Variants in UBN2 observed in about 807,000 individuals in gnomAD.
The protein encoded by UBN2 is ubinuclein-2.
UBN2 carries 35 observed loss-of-function variants against 120.2 expected under a neutral mutation model. The ratio of observed to expected loss-of-function variants is 0.29; its 90% CI spans 0.22 to 0.39. UBN2 has a LOEUF of 0.39. Ranked by LOEUF, UBN2 falls within the 10% of genes least tolerant of loss-of-function variation. UBN2 has a pLI of 1.00. For synonymous variants in UBN2, 661 were observed against 648.7 expected (o/e 1.02, Z -0.29); for missense variants, 1,693 against 1,663.2 (o/e 1.02, Z -0.31).
chr7:139,284,917 C>G (rs1304952119), intron 15 of UBN2, among the ~76,000 whole-genome samples: 2 of 152,174 alleles, frequency 1.3e-5, no homozygotes, highest in African/African-American at 4.8e-5. Context: ...AACTTTCTCT[C>G]TTATCAAAGT....
chr7:139,304,735 G>GTGTGTC lies in UBN2; in HGVS notation c.*6903_*6908dup. On this transcript the variant is annotated 3_prime_UTR_variant, in exon 18 of 18. Coordinates refer to ENST00000473989, the MANE Select transcript of UBN2 (RefSeq NM_173569.4). ...TGTGTGTGTGTGTGTGTGTGTGTGT[G>GTGTGTC]TGTGTCTGTAAGTCACTTTTTGGAT... 6.6e-6 allele frequency: 1 copy of GTGTGTC among 152,348 alleles called. No individual in the cohort carries two copies. Among genetic ancestry groups the GTGTGTC allele is most frequent in the East Asian group, 1.9e-4 (1 of 5,186 alleles). The allele number at this position is 152,348 out of a possible 1,614,324, so 9.4% of individuals were successfully genotyped here.
At chr7:139,260,886 T>C (rs1435445336) in intron 5 of UBN2, among the ~76,000 whole-genome samples, 1 of 152,218 alleles carries the variant, frequency 6.6e-6, no homozygotes, top group Non-Finnish European at 1.5e-5. Flanking sequence ...AGGGTTTGGG[T>C]TGTATAACAG....
chr7:139,268,210 T>C (rs977297767), intron 7 of UBN2, among the ~76,000 whole-genome samples: 1 of 152,212 alleles, frequency 6.6e-6, no homozygotes, highest in Non-Finnish European at 1.5e-5. Flanking sequence ...AAAACGAATC[T>C]TCCCATTTTT....
At chr7:139,252,431 A>G (rs12707442) in intron 3 of UBN2, among the ~76,000 whole-genome samples, 51 of 152,358 alleles carry the variant, frequency 3.3e-4, no homozygotes, top group Admixed American at 8.5e-4. Context: ...AAGAATTAGC[A>G]TGGCTGCGTT....
the UBN2 span, among the ~76,000 whole-genome samples, chr7:139,329,785 T>A: frequency 6.6e-6 from 1 of 152,062 alleles, no homozygotes; most frequent in Non-Finnish European, 1.5e-5. Flanking sequence ...TCTAGGCTAG[T>A]TGGCTGCCCC....
At chr7:139,312,386 A>G (rs1255811456), downstream of UBN2, among the ~76,000 whole-genome samples, 1 of 152,216 alleles carries the variant, frequency 6.6e-6, no homozygotes, top group Non-Finnish European at 1.5e-5. Flanking sequence ...TTACTGCTAC[A>G]CGGATTCCCT....
intron 12 of UBN2, chr7:139,276,767 A>G (rs139434497): frequency 2.0e-5 from 3 of 152,572 alleles, no homozygotes; most frequent in Admixed American, 1.3e-4. Flanking sequence ...CAAGGGTGGC[A>G]TTAACGGTTA....
intron 17 of UBN2, among the ~76,000 whole-genome samples, chr7:139,296,463 C>A (rs1798112941): frequency 6.6e-6 from 1 of 152,196 alleles, no homozygotes; most frequent in African/African-American, 2.4e-5. Flanking sequence ...GCTATTCATG[C>A]CTCTTCCCTC....
At position 139,269,445 on chromosome 7, in the gene UBN2, C is replaced by T. The variant is rs753900916; in HGVS notation, c.1518C>T (p.Tyr506=). 4.3e-6 allele frequency: 7 copies of T among 1,613,990 alleles called. No homozygotes were observed. In the South Asian group the frequency reaches 5.5e-5, roughly 13 times the overall value. ...GCCCTGTCATTCGCAGTGGTGTCTA[C>T]TCCCACCTTGAAGCTTTTGTGCCAT... The part of the protein sequence containing the change: ...ELGPVIRSGV[Y]SHLEAFVPCN... Residue 506 remains tyrosine (Y), a synonymous_variant, in exon 8 of 18, where the codon TAC becomes TAT. Coordinates refer to ENST00000473989, the MANE Select transcript of UBN2 (RefSeq NM_173569.4).
the UBN2 span, among the ~76,000 whole-genome samples, chr7:139,313,550 CTTTCAA>C: frequency 6.6e-6 from 1 of 152,134 alleles, no homozygotes; most frequent in African/African-American, 2.4e-5. Flanking sequence ...TTTATCTCCT[CTTTCAA>C]TTTCACATTT....
At chr7:139,258,365 T>A in intron 3 of UBN2, 123 bp from the exon 4 acceptor site, 1 of 616,798 alleles carries the variant, frequency 1.6e-6, no homozygotes, top group Non-Finnish European at 2.5e-6. Flanking sequence ...CAAACATCCT[T>A]ATTGCAGTCT....
intron 2 of UBN2, among the ~76,000 whole-genome samples, chr7:139,245,084 T>G (rs1796430590): frequency 7.0e-6 from 1 of 143,294 alleles, no homozygotes; most frequent in Non-Finnish European, 1.5e-5. Context: ...CAGGCACGCA[T>G]CACCATGCCC....
chr7:139,258,578 A>G lies in UBN2; in HGVS notation c.754A>G (p.Thr252Ala), dbSNP rs1796834212. 6 of 1,607,592 alleles carry G rather than the reference A, an allele frequency of 3.7e-6. No individual in the cohort carries two copies. In the African/African-American group the frequency reaches 4.0e-5, roughly 11 times the overall value. The stretch of plus-strand genomic sequence containing the variant: ...TCTACAGTTTCGCCAAGCTTCAGAT[A>G]CTGAAGAAGATGATATTACAGACAA... ...GTLQFRQASD[T>A]EEDDITDNQK... The change falls in exon 4 of 18, where the codon ACT becomes GCT. Residue 252 changes from threonine (T) to alanine (A), a missense_variant. Thr to Ala is a moderately conservative substitution (Grantham distance 58). This residue lies in a region of UBN2 where 663 missense variants were observed against 591.2 expected (regional missense o/e 1.12). Coordinates refer to ENST00000473989, the MANE Select transcript of UBN2 (RefSeq NM_173569.4).
At chr7:139,279,654 A>G (rs183431165) in intron 13 of UBN2, among the ~76,000 whole-genome samples, 1 of 152,336 alleles carries the variant, frequency 6.6e-6, no homozygotes, top group East Asian at 1.9e-4. Flanking sequence ...AATATGTAAG[A>G]AAAATTCATA....
rs976969512 is a variant in UBN2, at chr7:139,298,075, G to A, written c.*239G>A. 1 of 465,372 alleles carries A rather than the reference G, an allele frequency of 2.1e-6. No homozygotes were observed. Among genetic ancestry groups the A allele is most frequent in the African/African-American group, 2.0e-5 (1 of 51,182 alleles). The allele number at this position is 465,372 out of a possible 1,614,324, so 28.8% of individuals were successfully genotyped here. A position where few individuals can be genotyped will look rare whatever the true frequency, so the allele number is the denominator to read the frequency against. The stretch of plus-strand genomic sequence containing the variant: ...TTGGTCTCTTCTAAAGAATGACAGA[G>A]TTACCGTATTAACAGACTTGAAAGA... On this transcript the variant is annotated 3_prime_UTR_variant, in exon 18 of 18. Transcript: ENST00000473989.
intron 6 of UBN2, among the ~76,000 whole-genome samples, chr7:139,262,548 TA>T (rs1293347512): frequency 1.3e-5 from 2 of 151,834 alleles, no homozygotes; most frequent in African/African-American, 4.8e-5. Flanking sequence ...CTGTCTCTAC[TA>T]AAAATACAAA....
chr7:139,323,981 A>G, the UBN2 span, among the ~76,000 whole-genome samples: 1 of 152,064 alleles, frequency 6.6e-6, no homozygotes, highest in East Asian at 1.9e-4. Context: ...GGTTTCCTGC[A>G]TTTTTCTGAC....
At chr7:139,248,581 AG>A (rs1344477161) in intron 2 of UBN2, among the ~76,000 whole-genome samples, 1 of 152,104 alleles carries the variant, frequency 6.6e-6, no homozygotes, top group East Asian at 1.9e-4. Flanking sequence ...CTTATATACT[AG>A]GTTAGGTTTC....
At chr7:139,322,052 C>A in the UBN2 span, among the ~76,000 whole-genome samples, 5,782 of 151,994 alleles carry the variant, frequency 0.038, 165 homozygotes, top group African/African-American at 0.068. Context: ...CAGCTCACTG[C>A]AACCTCTGCC....
Sources: gnomAD v4.1 joint callset for allele counts (sites outside exome capture counted in the v4.1 genomes callset) on GRCh38, gnomAD v4.1.1 for gene constraint, gnomAD v4.1.1 regional missense constraint, MANE v1.5 for transcripts, NCBI Gene and HGNC (gene_info 2026-07-23, HGNC 2026-07-21) for gene names.